Variants in DHRS3 observed in about 807,000 individuals in gnomAD.
The protein encoded by DHRS3 is short-chain dehydrogenase/reductase 3.
DHRS3 carries 14 observed loss-of-function variants against 27.2 expected under a neutral mutation model. The observed-to-expected ratio is 0.52, with a 90% confidence interval of 0.34 to 0.81. DHRS3 has a LOEUF of 0.81. Ranked by LOEUF, DHRS3 falls within the 30% of genes least tolerant of loss-of-function variation. The pLI is 0.01. For missense variants in DHRS3, 322 were observed against 406.2 expected, an observed-to-expected ratio of 0.79 and a Z score of 1.78; for synonymous variants, 165 against 175.9, an observed-to-expected ratio of 0.94 and a Z score of 0.49.
chr1:12,613,950 T>C (rs1307938938), intron 1 of DHRS3, among the ~76,000 whole-genome samples: 2 of 152,036 alleles, frequency 1.3e-5, no homozygotes, highest in East Asian at 3.9e-4. Context: ...TTTGTATTTT[T>C]AGTCGAGATG....
intron 1 of DHRS3, among the ~76,000 whole-genome samples, chr1:12,615,574 C>T (rs904555032): frequency 2.0e-5 from 3 of 152,118 alleles, no homozygotes; most frequent in Non-Finnish European, 4.4e-5. Context: ...CTACTGTAGT[C>T]AGCTACAAGA....
chr1:12,579,712 A>G, intron 2 of DHRS3: 1 of 275,568 alleles, frequency 3.6e-6, no homozygotes, highest in South Asian at 4.4e-5. Context: ...ACCTCAAGTG[A>G]CCCGCCTGCC....
chr1:12,571,602 C>T (rs567891828), intron 5 of DHRS3, among the ~76,000 whole-genome samples: 2 of 148,666 alleles, frequency 1.3e-5, no homozygotes, highest in East Asian at 2.0e-4. Context: ...GCGATCTCGG[C>T]TCACCTCAAC....
Position 12,568,403 on chromosome 1 carries a change from G to A in DHRS3, c.846C>T (p.Leu282=), listed in dbSNP as rs747415668. The A allele has an allele frequency of 9.9e-6, 16 of 1,613,784 alleles. No individual in the cohort carries two copies. Among genetic ancestry groups the A allele is most frequent in the Middle Eastern group, 1.7e-4 (1 of 6,056 alleles). The change falls in exon 6 of 6, where the codon CTC becomes CTT. Residue 282 remains leucine (L), a synonymous_variant. Transcript: ENST00000616661. Reference sequence around the variant, plus strand: ...TTCCTGAGAATTTGTGGATCTCCTCGAGTGCAGCCTGTGGAAGTATGCTGG... The same window carrying A: ...TTCCTGAGAATTTGTGGATCTCCTCAAGTGCAGCCTGTGGAAGTATGCTGG... ...ILKSILPQAA[L]EEIHKFSGTY...
rs940247077 is a variant in DHRS3, at chr1:12,580,153, C to T, written c.339+370G>A. 1.8e-5 allele frequency: 6 copies of T among 333,470 alleles called. No homozygotes were observed. In the East Asian group the frequency reaches 2.2e-4, roughly 12 times the overall value. 20.7% of individuals were successfully genotyped at this position (333,470 alleles called of 1,614,324 possible). A position where few individuals can be genotyped will look rare whatever the true frequency, so the allele number is the denominator to read the frequency against. Reference sequence around the variant, plus strand: ...GACATAAAAACAGTTAACATTACCACGTGCCAGACAGTCAGGGTGGGTTTC... The same window carrying T: ...GACATAAAAACAGTTAACATTACCATGTGCCAGACAGTCAGGGTGGGTTTC... On this transcript the variant is annotated intron_variant, in intron 2 of 5. Transcript: ENST00000616661.
chr1:12,582,669 C>T (rs567448789), intron 1 of DHRS3, among the ~76,000 whole-genome samples: 22 of 152,168 alleles, frequency 1.4e-4, no homozygotes, highest in African/African-American at 5.3e-4. Flanking sequence ...CTGGACCACC[C>T]CCCGCCTTGC....
At chr1:12,612,676 T>C (rs982731349) in intron 1 of DHRS3, among the ~76,000 whole-genome samples, 10 of 151,926 alleles carry the variant, frequency 6.6e-5, no homozygotes, top group Admixed American at 5.2e-4. Context: ...GGAAAGAGAG[T>C]TTTTGGAGCT....
At chr1:12,584,907 C>T (rs951272939) in intron 1 of DHRS3, among the ~76,000 whole-genome samples, 7 of 150,854 alleles carry the variant, frequency 4.6e-5, no homozygotes, top group African/African-American at 1.7e-4. Flanking sequence ...CTGTGTGGGT[C>T]TCTATGAGTG....
At chr1:12,572,597 C>T in intron 5 of DHRS3, 131 bp downstream of exon 5, 2 of 1,391,504 alleles carry the variant, frequency 1.4e-6, no homozygotes, top group South Asian at 1.4e-5. Context: ...AGAACTGCTG[C>T]CCCACAGTAA....
chr1:12,576,487 G>A (rs915855116), intron 4 of DHRS3, among the ~76,000 whole-genome samples: 5 of 151,980 alleles, frequency 3.3e-5, no homozygotes, highest in East Asian at 1.9e-4. Flanking sequence ...GCATGAACCC[G>A]GGAGACGGAG....
intron 1 of DHRS3, among the ~76,000 whole-genome samples, chr1:12,584,139 G>T (rs1051243938): frequency 2.0e-5 from 3 of 152,114 alleles, no homozygotes; most frequent in African/African-American, 7.2e-5. Context: ...AGGGAGAGGT[G>T]CCTCTGGGGG....
At chr1:12,571,304 C>T (rs1384554705) in intron 5 of DHRS3, among the ~76,000 whole-genome samples, 3 of 152,184 alleles carry the variant, frequency 2.0e-5, no homozygotes, top group Non-Finnish European at 4.4e-5. Flanking sequence ...ATTTATAAAG[C>T]CTGCCTCCCC....
chr1:12,581,714 A>AG, intron 1 of DHRS3, among the ~76,000 whole-genome samples: 1 of 152,160 alleles, frequency 6.6e-6, no homozygotes, highest in African/African-American at 2.4e-5. Flanking sequence ...GGGGTCAGTG[A>AG]GGCCTCTGTT....
At chr1:12,605,854 C>T (rs1646867011) in intron 1 of DHRS3, among the ~76,000 whole-genome samples, 1 of 152,048 alleles carries the variant, frequency 6.6e-6, no homozygotes, top group South Asian at 2.1e-4. Flanking sequence ...AAGAAATCAG[C>T]AGTTGGCTAG....
chr1:12,585,534 G>T (rs970783657), intron 1 of DHRS3, among the ~76,000 whole-genome samples: 1 of 152,206 alleles, frequency 6.6e-6, no homozygotes, highest in Non-Finnish European at 1.5e-5. Context: ...GTGCTGGGCT[G>T]GCGCCTGAGT....
At chr1:12,577,779 C>T (rs571175100) in intron 4 of DHRS3, among the ~76,000 whole-genome samples, 5 of 152,246 alleles carry the variant, frequency 3.3e-5, no homozygotes, top group East Asian at 1.9e-4. Context: ...GCCGAGATCG[C>T]GCCACTGCAC....
intron 1 of DHRS3, among the ~76,000 whole-genome samples, chr1:12,590,258 C>T (rs1418301483): frequency 2.0e-5 from 3 of 152,112 alleles, no homozygotes; most frequent in African/African-American, 7.2e-5. Context: ...CCAGGCTTCT[C>T]CTCACTCCTG....
chr1:12,614,200 T>C (rs1219922212), intron 1 of DHRS3, among the ~76,000 whole-genome samples: 8 of 152,164 alleles, frequency 5.3e-5, no homozygotes. Context: ...GGATGGTCCC[T>C]ACAAATACTT....
chr1:12,572,786 G>A lies in DHRS3; in HGVS notation c.766C>T (p.Leu256Phe). 6.2e-7 allele frequency: 1 copy of A among 1,612,034 alleles called. No homozygotes were observed. Among genetic ancestry groups the A allele is most frequent in the Admixed American group, 1.7e-5 (1 of 59,702 alleles). Residue 256 changes from leucine to phenylalanine, a missense_variant, in exon 5 of 6, where the codon CTC (leucine) becomes TTC (phenylalanine). Transcript: ENST00000616661. ...VARRTVEAVQ[L>F]NQALLLLPWT... is the part of the protein sequence containing the mutation. ...GGGAGGAGGAGGAGGGCCTGGTTGAGCTGCACAGCTTCCACTGTCCTCCGG... is the reference window on the plus strand; with the variant it reads ...GGGAGGAGGAGGAGGGCCTGGTTGAACTGCACAGCTTCCACTGTCCTCCGG...
Sources: allele counts gnomAD v4.1 joint callset (sites outside exome capture counted in the v4.1 genomes callset), GRCh38; gene constraint gnomAD v4.1.1; transcripts MANE v1.5; gene names NCBI Gene and HGNC (gene_info 2026-07-23, HGNC 2026-07-21).